The following C8orf34 variants were observed in gnomAD, a reference collection of about 807,000 sequenced individuals.
C8orf34 encodes the protein chromosome 8 open reading frame 34.
In C8orf34, 65 loss-of-function variants were observed where a neutral mutation model predicts 68.3. The ratio of observed to expected loss-of-function variants is 0.95; its 90% CI spans 0.78 to 1.17. The LOEUF (loss-of-function observed/expected upper bound fraction) is 1.17. Ranked by LOEUF, C8orf34 falls within the 50% of genes most tolerant of loss-of-function variation. The pLI, the probability that C8orf34 is intolerant of heterozygous loss-of-function variation, is 0.00. For missense variants in C8orf34, 664 were observed against 655.4 expected (o/e 1.01, Z -0.14); for synonymous variants, 244 against 241.2 (o/e 1.01, Z -0.11).
intron 8 of C8orf34, among the ~76,000 whole-genome samples, chr8:68,654,769 AC>A (rs1379693716): frequency 3.9e-5 from 6 of 152,168 alleles, no homozygotes; most frequent in Non-Finnish European, 8.8e-5. Context: ...AAAGAACAAA[AC>A]AAAATATGTT....
At chr8:68,640,987 G>T (rs1306910578) in intron 8 of C8orf34, among the ~76,000 whole-genome samples, 1 of 152,302 alleles carries the variant, frequency 6.6e-6, no homozygotes, top group South Asian at 2.1e-4. Flanking sequence ...AGCAATCTTT[G>T]CATATACTGT....
intron 1 of C8orf34, among the ~76,000 whole-genome samples, chr8:68,349,048 T>A (rs1806399776): frequency 6.6e-6 from 1 of 152,052 alleles, no homozygotes; most frequent in African/African-American, 2.4e-5. Flanking sequence ...GTTTGACAGT[T>A]TTAAAGGTGG....
chr8:68,544,162 C>T (rs765526295), intron 7 of C8orf34, among the ~76,000 whole-genome samples: 8 of 152,180 alleles, frequency 5.3e-5, no homozygotes, highest in South Asian at 2.1e-4. Flanking sequence ...CTCTTGGGTT[C>T]GTAGCTCAAT....
chr8:68,761,573 G>A (rs956185103), intron 10 of C8orf34, among the ~76,000 whole-genome samples: 38 of 151,984 alleles, frequency 2.5e-4, no homozygotes, highest in African/African-American at 5.8e-4. Flanking sequence ...TCTGTCCTTC[G>A]GATGAAAAAT....
intron 11 of C8orf34, among the ~76,000 whole-genome samples, chr8:68,779,865 C>T (rs549142682): frequency 7.9e-5 from 12 of 151,990 alleles, no homozygotes; most frequent in East Asian, 1.9e-4. Flanking sequence ...CAAGAAAATC[C>T]TATTTTATCA....
chr8:68,647,064 G>A (rs1583424), intron 8 of C8orf34, among the ~76,000 whole-genome samples: 127,597 of 152,184 alleles, frequency 0.84, 53,546 homozygotes, highest in Middle Eastern at 0.88. Flanking sequence ...CTAATATCCA[G>A]AATATATAAG....
intron 1 of C8orf34, among the ~76,000 whole-genome samples, chr8:68,389,337 G>A (rs1466643966): frequency 3.3e-5 from 5 of 152,088 alleles, no homozygotes; most frequent in Admixed American, 3.3e-4. Flanking sequence ...AATAATACTT[G>A]CATAGTTGCC....
At chr8:68,807,767 A>T (rs1186574669) in intron 12 of C8orf34, among the ~76,000 whole-genome samples, 8 of 152,208 alleles carry the variant, frequency 5.3e-5, no homozygotes, top group Non-Finnish European at 4.4e-5. Flanking sequence ...AGAGTATTTT[A>T]TCTTGCTTCT....
At chr8:68,725,609 G>A (rs984502893) in intron 10 of C8orf34, among the ~76,000 whole-genome samples, 8 of 152,046 alleles carry the variant, frequency 5.3e-5, no homozygotes, top group African/African-American at 1.2e-4. Flanking sequence ...TGTCATTTCC[G>A]TGGCTTATCA....
intron 1 of C8orf34, among the ~76,000 whole-genome samples, chr8:68,339,746 C>T (rs536650257): frequency 6.6e-6 from 1 of 151,700 alleles, no homozygotes; most frequent in African/African-American, 2.4e-5. Flanking sequence ...GAAAATATTT[C>T]TTAAATATGA....
intron 1 of C8orf34, among the ~76,000 whole-genome samples, chr8:68,343,423 CATTTATTT>C (rs932976453): frequency 6.6e-6 from 1 of 151,758 alleles, no homozygotes; most frequent in Non-Finnish European, 1.5e-5. Context: ...TTTATTTTTA[CATTTATTT>C]ATTTATTTAT....
At chr8:68,582,215 T>C (rs1817086273) in intron 7 of C8orf34, among the ~76,000 whole-genome samples, 1 of 152,156 alleles carries the variant, frequency 6.6e-6, no homozygotes, top group Admixed American at 6.5e-5. Flanking sequence ...CGGAGAGCTA[T>C]GTAGAAATAT....
intron 7 of C8orf34, among the ~76,000 whole-genome samples, chr8:68,630,081 G>T (rs938863404): frequency 6.6e-6 from 1 of 151,826 alleles, no homozygotes; most frequent in Non-Finnish European, 1.5e-5. Context: ...GAACATAGGA[G>T]AGTTTATTTT....
intron 8 of C8orf34, among the ~76,000 whole-genome samples, chr8:68,700,006 A>C (rs1820941967): frequency 6.6e-6 from 1 of 152,062 alleles, no homozygotes; most frequent in Non-Finnish European, 1.5e-5. Flanking sequence ...AATGAGAGAG[A>C]ATTGAAGAAG....
At chr8:68,434,304 C>A (rs550461143) in intron 1 of C8orf34, among the ~76,000 whole-genome samples, 37 of 152,254 alleles carry the variant, frequency 2.4e-4, no homozygotes, top group African/African-American at 8.4e-4. Flanking sequence ...CCCCTTACCC[C>A]CAGTGTGTGA....
intron 1 of C8orf34, among the ~76,000 whole-genome samples, chr8:68,354,232 G>C (rs1806647748): frequency 1.3e-5 from 2 of 152,076 alleles, no homozygotes; most frequent in South Asian, 4.1e-4. Flanking sequence ...CCATAATATA[G>C]TATAGTTCAA....
At chr8:68,438,273 G>A (rs1810747089) in intron 1 of C8orf34, 1 of 152,138 alleles carries the variant, frequency 6.6e-6, no homozygotes, top group Non-Finnish European at 1.5e-5. Context: ...AAACTGGTGA[G>A]CAAATGTTAA....
intron 12 of C8orf34, among the ~76,000 whole-genome samples, chr8:68,809,886 G>A (rs1824594755): frequency 1.3e-5 from 2 of 152,150 alleles, no homozygotes; most frequent in African/African-American, 2.4e-5. Context: ...AATAAAGATG[G>A]CATGTGACGA....
At chr8:68,573,506 G>A (rs528369759) in intron 7 of C8orf34, among the ~76,000 whole-genome samples, 3 of 152,278 alleles carry the variant, frequency 2.0e-5, no homozygotes, top group Admixed American at 2.0e-4. Context: ...ATCTGCAGAT[G>A]CATGAGAGAG....
Sources: allele counts gnomAD v4.1 joint callset (sites outside exome capture counted in the v4.1 genomes callset), GRCh38; gene constraint gnomAD v4.1.1; transcripts MANE v1.5; gene names NCBI Gene and HGNC (gene_info 2026-07-23, HGNC 2026-07-21).